LIPN: variants seen among roughly 807,000 people sequenced by gnomAD.
LIPN encodes the protein lipase family member N, also known as lipase member N.
A neutral mutation model predicts 43.7 loss-of-function variants in LIPN; 32 were observed. The ratio of observed to expected loss-of-function variants is 0.73; its 90% CI spans 0.55 to 0.98. The LOEUF is 0.98. LIPN is among the 50% of genes least tolerant of loss of function. The pLI, the probability that LIPN is intolerant of heterozygous loss-of-function variation, is 0.00. For missense variants in LIPN, 505 were observed against 483.8 expected, an observed-to-expected ratio of 1.04 and a Z score of -0.41; for synonymous variants, 156 against 157.6, an observed-to-expected ratio of 0.99 and a Z score of 0.08.
chr10:88,775,619 C>A (rs937671539), intron 9 of LIPN, among the ~76,000 whole-genome samples: 2 of 151,850 alleles, frequency 1.3e-5, no homozygotes, highest in Non-Finnish European at 2.9e-5. Context: ...AATTAGAATT[C>A]CATATGAAAG....
Position 88,778,198 on chromosome 10 carries a change from C to T in LIPN, c.1153C>T (p.Arg385Trp), listed in dbSNP as rs185669405. 3.0e-5 allele frequency: 48 copies of T among 1,612,652 alleles called. No individual in the cohort carries two copies. Among genetic ancestry groups the T allele is most frequent in the African/African-American group, 9.3e-5 (7 of 74,990 alleles). ...TGTCTGGGGCCTCGATGCCCCTCAA[C>T]GGATGTACAGTGAAATCATAGCTTT... ...DFVWGLDAPQ[R>W]MYSEIIALMK... Residue 385 changes from arginine (R) to tryptophan (W), a missense_variant, in exon 10 of 10, where the codon CGG becomes TGG. Arg to Trp is a moderately radical substitution (Grantham distance 101). Coordinates refer to ENST00000404459, the MANE Select transcript of LIPN (RefSeq NM_001102469.2).
Position 88,779,220 on chromosome 10 carries a change from G to C in LIPN, c.*978G>C, listed in dbSNP as rs303487. On this transcript the variant is annotated 3_prime_UTR_variant, in exon 10 of 10. Transcript: ENST00000404459. ...TTAGAAGATGCCAACAAAAGATTCTGAGCAAGACTGTAAATCTGATCAAGT... is the reference window on the plus strand; with the variant it reads ...TTAGAAGATGCCAACAAAAGATTCTCAGCAAGACTGTAAATCTGATCAAGT... Among the ~76,000 whole-genome samples, 26,156 of 152,136 alleles carry C rather than the reference G, an allele frequency of 0.17. 2,338 individuals are homozygous for C. Among genetic ancestry groups the C allele is most frequent in the Non-Finnish European group, 0.21 (13,966 of 67,974 alleles).
rs142942301 is a variant in LIPN, at chr10:88,762,526, C to A, written c.226+221C>A. 1.0e-3 allele frequency among the ~76,000 whole-genome samples: 156 copies of A among 152,168 alleles called. 1 individual carries two copies. In the East Asian group the frequency reaches 0.014, roughly 13 times the overall value. ...ACAGCAAGACTGATCTTGCTAACTG[C>A]AACCAGAGGTACTTGTTAGGGTGTA... On this transcript the variant is annotated intron_variant, in intron 3 of 9. Coordinates refer to ENST00000404459, the MANE Select transcript of LIPN (RefSeq NM_001102469.2).
intron 3 of LIPN, among the ~76,000 whole-genome samples, chr10:88,763,369 G>C (rs1163908571): frequency 6.6e-6 from 1 of 152,012 alleles, no homozygotes; most frequent in East Asian, 1.9e-4. Flanking sequence ...CATGTGTGAA[G>C]GAGCTGTGAA....
rs1218607812 is a variant in LIPN at position 88,766,334 on chromosome 10, A to G, written c.491A>G (p.Gln164Arg). 2.5e-6 allele frequency: 4 copies of G among 1,609,728 alleles called. No homozygotes were observed. The highest frequency in any genetic ancestry group is 1.7e-5 in the Admixed American group (1 of 59,760). ...VIDFIVNKTG[Q>R]EKLYFIGHSL... ...GACTTCATTGTAAATAAAACTGGTC[A>G]GGAGAAATTGTATTTCATTGGACAT... Residue 164 changes from glutamine to arginine, a missense_variant, in exon 5 of 10, where the codon CAG (glutamine) becomes CGG (arginine). Physicochemically the swap from Gln to Arg is conservative, Grantham distance 43 (BLOSUM62 1). Coordinates refer to ENST00000404459, the MANE Select transcript of LIPN (RefSeq NM_001102469.2).
intron 4 of LIPN, among the ~76,000 whole-genome samples, chr10:88,764,937 G>A (rs1048143497): frequency 3.3e-5 from 5 of 151,842 alleles, no homozygotes; most frequent in East Asian, 1.9e-4. Flanking sequence ...TACTGTATGC[G>A]CTGTTCTAGG....
At chr10:88,773,457 G>A (rs1843243657) in intron 7 of LIPN, among the ~76,000 whole-genome samples, 1 of 151,906 alleles carries the variant, frequency 6.6e-6, no homozygotes, top group African/African-American at 2.4e-5. Context: ...TCCTTTCTTT[G>A]TGGGTGACTT....
chr10:88,776,387 A>G (rs1054975716), intron 9 of LIPN, among the ~76,000 whole-genome samples: 53 of 152,242 alleles, frequency 3.5e-4, no homozygotes, highest in African/African-American at 1.2e-3. Context: ...ATTTACATTT[A>G]CAAGAAAATG....
intron 1 of LIPN, among the ~76,000 whole-genome samples, chr10:88,760,748 T>C (rs1322656587): frequency 1.3e-5 from 2 of 152,118 alleles, no homozygotes; most frequent in East Asian, 3.9e-4. Context: ...TCTTCTTCTG[T>C]GGTGAGGCTG....
chr10:88,758,837 A>G (rs554309824), upstream of LIPN, among the ~76,000 whole-genome samples: 1 of 152,230 alleles, frequency 6.6e-6, no homozygotes, highest in African/African-American at 2.4e-5. Flanking sequence ...TACAATCTGT[A>G]AAGATCTGTG....
chr10:88,777,238 T>C (rs1843310250), intron 9 of LIPN, among the ~76,000 whole-genome samples: 1 of 152,048 alleles, frequency 6.6e-6, no homozygotes, highest in African/African-American at 2.4e-5. Context: ...ATTTCTGATT[T>C]TCCTTCTGTT....
intron 6 of LIPN, among the ~76,000 whole-genome samples, chr10:88,770,640 G>A (rs949347796): frequency 6.6e-6 from 1 of 151,792 alleles, no homozygotes; most frequent in African/African-American, 2.4e-5. Context: ...CCCAAGCATG[G>A]CTCTTTCCTA....
intron 5 of LIPN, among the ~76,000 whole-genome samples, chr10:88,766,804 G>A (rs981256682): frequency 2.6e-5 from 4 of 151,786 alleles, no homozygotes; most frequent in Non-Finnish European, 4.4e-5. Flanking sequence ...AAAAGGGAAG[G>A]GCTTATACCT....
chr10:88,775,258 G>T, intron 9 of LIPN, 95 bp downstream of exon 9: 2 of 679,394 alleles, frequency 2.9e-6, no homozygotes, highest in Non-Finnish European at 2.3e-6. Context: ...TCATTTGGTG[G>T]CATTTATACT....
chr10:88,765,232 G>GT (rs1419152297), intron 4 of LIPN, among the ~76,000 whole-genome samples: 29 of 151,974 alleles, frequency 1.9e-4, no homozygotes, highest in African/African-American at 5.6e-4. Context: ...TAATGGAAGA[G>GT]TTTTCTGCTG....
upstream of LIPN, among the ~76,000 whole-genome samples, chr10:88,759,630 C>T (rs1017809121): frequency 2.0e-5 from 3 of 152,038 alleles, no homozygotes; most frequent in Admixed American, 2.0e-4. Context: ...CACGCACATC[C>T]CTACGCACTG....
chr10:88,771,368 G>T (rs886802565), intron 7 of LIPN, among the ~76,000 whole-genome samples: 1 of 151,494 alleles, frequency 6.6e-6, no homozygotes, highest in Non-Finnish European at 1.5e-5. Flanking sequence ...TCCTTCTAAC[G>T]GTATTTTGGT....
intron 1 of LIPN, among the ~76,000 whole-genome samples, chr10:88,760,838 G>C (rs1312877762): frequency 6.6e-6 from 1 of 152,080 alleles, no homozygotes; most frequent in Non-Finnish European, 1.5e-5. Flanking sequence ...GTCTACCTTT[G>C]AATAGACATA....
At chr10:88,757,447 T>C (rs1218638880), upstream of LIPN, among the ~76,000 whole-genome samples, 1 of 152,164 alleles carries the variant, frequency 6.6e-6, no homozygotes, top group Non-Finnish European at 1.5e-5. Context: ...TGATCTTTCC[T>C]TTGAACATTT....
Sources: gnomAD v4.1 joint callset for allele counts (sites outside exome capture counted in the v4.1 genomes callset) on GRCh38, gnomAD v4.1.1 for gene constraint, MANE v1.5 for transcripts, NCBI Gene and HGNC (gene_info 2026-07-23, HGNC 2026-07-21) for gene names.